Variants in MRPL49 observed in about 807,000 individuals in gnomAD.
MRPL49 encodes the protein mitochondrial ribosomal protein L49.
MRPL49 carries 14 observed loss-of-function variants against 18.4 expected under a neutral mutation model. The ratio of observed to expected loss-of-function variants is 0.76; its 90% CI spans 0.50 to 1.19. The LOEUF (loss-of-function observed/expected upper bound fraction) is 1.19, where lower values mean the gene tolerates loss of function less well. Among genes scored for constraint, MRPL49 ranks in the 50% most tolerant of loss-of-function variants. The pLI is 0.00. For missense variants in MRPL49, 190 were observed against 217.8 expected (o/e 0.87, Z 0.80); for synonymous variants, 104 against 86.2 (o/e 1.21, Z -1.14).
chr11:65,122,671 C>A (rs1198616139), intron 1 of MRPL49, among the ~76,000 whole-genome samples: 8 of 150,204 alleles, frequency 5.3e-5, no homozygotes, highest in Non-Finnish European at 1.2e-4. Context: ...AGGTAAGGGG[C>A]GGGGTCCTAG....
Position 65,126,099 on chromosome 11 carries a change from G to C in MRPL49, c.*227G>C, listed in dbSNP as rs1412708714. 4.3e-6 allele frequency: 2 copies of C among 468,154 alleles called. No homozygotes were observed. The highest frequency in any genetic ancestry group is 4.0e-5 in the African/African-American group (2 of 49,866). The allele number at this position is 468,154 out of a possible 1,614,324, so 29.0% of individuals were successfully genotyped here. A position where few individuals can be genotyped will look rare whatever the true frequency, so the allele number is the denominator to read the frequency against. ...CAAATAGGGATCACCAGGCTAATGGGGGGCGTCAGCAGCTTTCTCTCCCTC... is the reference window on the plus strand; with the variant it reads ...CAAATAGGGATCACCAGGCTAATGGCGGGCGTCAGCAGCTTTCTCTCCCTC... On this transcript the variant is annotated 3_prime_UTR_variant, in exon 4 of 4. Transcript: ENST00000279242.
intron 2 of MRPL49, 97 bp from the exon 3 acceptor site, chr11:65,125,391 G>A (rs1948089399): frequency 6.6e-7 from 1 of 1,524,826 alleles, no homozygotes. Context: ...GGTCCAGCTG[G>A]GTGCACTGGC....
In MRPL49 at chr11:65,124,818, G is replaced by C. The variant is rs975849330; in HGVS notation, c.229+166G>C. On this transcript the variant is annotated intron_variant, in intron 2 of 3. Transcript: ENST00000279242. ...ATGCCCAAGGAAGAGCCGAGGAGTGGAGCCTTCTGTTGTTCACTGGTACTC... is the reference window on the plus strand; with the variant it reads ...ATGCCCAAGGAAGAGCCGAGGAGTGCAGCCTTCTGTTGTTCACTGGTACTC... The C allele has an allele frequency of 1.4e-5, 10 of 698,676 alleles. No homozygotes were observed. In the African/African-American group the frequency reaches 1.6e-4, roughly 11 times the overall value. 43.3% of individuals were successfully genotyped at this position (698,676 alleles called of 1,614,324 possible).
chr11:65,125,698 C>A (rs1468907926), intron 3 of MRPL49, 28 bp from the exon 4 acceptor site: 2 of 1,612,916 alleles, frequency 1.2e-6, no homozygotes, highest in African/African-American at 2.7e-5. Context: ...GGACTCTTGG[C>A]CTGACCTGAT....
chr11:65,124,713 G>T, intron 2 of MRPL49, 61 bp downstream of exon 2: 2 of 1,577,036 alleles, frequency 1.3e-6, no homozygotes, highest in South Asian at 1.2e-5. Context: ...CTCCCCAGAG[G>T]TTGGCCTCCC....
intron 3 of MRPL49, 40 bp downstream of exon 3, chr11:65,125,652 T>G (rs1565337781): frequency 1.2e-6 from 2 of 1,613,584 alleles, no homozygotes; most frequent in Admixed American, 1.7e-5. Flanking sequence ...CCTGACCCTT[T>G]CAGGGCTGAA....
intron 3 of MRPL49, 27 bp from the exon 4 acceptor site, chr11:65,125,699 C>T: frequency 6.2e-7 from 1 of 1,613,014 alleles, no homozygotes; most frequent in Non-Finnish European, 8.5e-7. Flanking sequence ...GACTCTTGGC[C>T]TGACCTGATT....
Position 65,126,942 on chromosome 11 carries a change from C to G in MRPL49, c.*1070C>G. On this transcript the variant is annotated 3_prime_UTR_variant, in exon 4 of 4. Transcript: ENST00000279242. Reference sequence around the variant, plus strand: ...TTCACCCTGCCATCCCATCCCAACCCCAGCTCACTAGCCTTCATATATGCC... The same window carrying G: ...TTCACCCTGCCATCCCATCCCAACCGCAGCTCACTAGCCTTCATATATGCC... 1 of 662,986 alleles carries G rather than the reference C, an allele frequency of 1.5e-6. No homozygotes were observed. The allele number at this position is 662,986 out of a possible 1,614,324, so 41.1% of individuals were successfully genotyped here.
chr11:65,123,302 ACCC>A (rs1948071156), intron 1 of MRPL49, among the ~76,000 whole-genome samples: 1 of 152,216 alleles, frequency 6.6e-6, no homozygotes, highest in African/African-American at 2.4e-5. Flanking sequence ...TCCCATCTGT[ACCC>A]TGCACCATGG....
In MRPL49 at chr11:65,127,357, T is replaced by C. The variant is rs899756705; in HGVS notation, c.*1485T>C. The C allele has an allele frequency of 3.1e-6, 1 of 317,482 alleles. No individual in the cohort carries two copies. The highest frequency in any genetic ancestry group is 5.8e-6 in the Non-Finnish European group (1 of 173,028). 19.7% of individuals were successfully genotyped at this position (317,482 alleles called of 1,614,324 possible). ...TGTACAATATTTACAAATTAAATAA[T>C]CATCTGAAACTGTCTCCAACAACTC... On this transcript the variant is annotated 3_prime_UTR_variant, in exon 4 of 4. Coordinates refer to ENST00000279242, the MANE Select transcript of MRPL49 (RefSeq NM_004927.4).
At position 65,124,666 on chromosome 11, in the gene MRPL49, T is replaced by C; in HGVS notation, c.229+14T>C. The C allele has an allele frequency of 6.2e-7, 1 of 1,612,736 alleles. No homozygotes were observed. The highest frequency in any genetic ancestry group is 2.2e-5 in the East Asian group (1 of 44,848). On this transcript the variant is annotated intron_variant, in intron 2 of 3. Coordinates refer to ENST00000279242, the MANE Select transcript of MRPL49 (RefSeq NM_004927.4). ...AGCCTCCCAGAGGTGAGCTGGGTGG[T>C]TAGGGATGATTTGAAAGCTTCACGG...
At position 65,122,616 on chromosome 11, in the gene MRPL49, A is replaced by G. The variant is rs377766056; in HGVS notation, c.78+192A>G. On this transcript the variant is annotated intron_variant, in intron 1 of 3. Coordinates refer to ENST00000279242, the MANE Select transcript of MRPL49 (RefSeq NM_004927.4). ...GTAGACTGGGGTGCTCTTTGGGAGC[A>G]CTTAACACAGTGCCTGGCAGTGTCT... The G allele has an allele frequency of 3.2e-5, 19 of 593,236 alleles. No homozygotes were observed. In the East Asian group the frequency reaches 4.9e-4, roughly 15 times the overall value. The allele number at this position is 593,236 out of a possible 1,614,324, so 36.7% of individuals were successfully genotyped here.
intron 1 of MRPL49, among the ~76,000 whole-genome samples, chr11:65,124,049 G>A (rs867603570): frequency 2.0e-5 from 3 of 151,954 alleles, no homozygotes; most frequent in Non-Finnish European, 2.9e-5. Flanking sequence ...CACCATGCCC[G>A]GCTAATTTTT....
intron 2 of MRPL49, 22 bp downstream of exon 2, chr11:65,124,674 G>A: frequency 1.2e-6 from 2 of 1,612,204 alleles, no homozygotes; most frequent in Non-Finnish European, 1.7e-6. Context: ...GGTTAGGGAT[G>A]ATTTGAAAGC....
At chr11:65,123,622 T>A (rs1948074084) in intron 1 of MRPL49, among the ~76,000 whole-genome samples, 1 of 152,014 alleles carries the variant, frequency 6.6e-6, no homozygotes, top group South Asian at 2.1e-4. Flanking sequence ...TAGTCCCAGC[T>A]ACTTGGGAGG....
chr11:65,125,307 G>C, intron 2 of MRPL49, 181 bp from the exon 3 acceptor site: 1 of 675,640 alleles, frequency 1.5e-6, no homozygotes. Flanking sequence ...TAGGGTACCA[G>C]GGTGAACAAT....
At position 65,125,412 on chromosome 11, in the gene MRPL49, C is replaced by CT. The variant is rs138445234; in HGVS notation, c.230-75dup. ...GCTGGGTGCACTGGCCCTCTGCAGA[C>CT]TGAGAGCAAGGGCCTTGGCTGAGGT... On this transcript the variant is annotated intron_variant, in intron 2 of 3. Coordinates refer to ENST00000279242, the MANE Select transcript of MRPL49 (RefSeq NM_004927.4). 328 of 1,592,206 alleles carry CT rather than the reference C, an allele frequency of 2.1e-4. 1 individual carries two copies. In the African/African-American group the frequency reaches 4.1e-3, roughly 20 times the overall value.
Position 65,126,461 on chromosome 11 carries a change from C to G in MRPL49, c.*589C>G. ...CCTTGGCCTGTTTTGTTTTTCTTTC[C>G]TTGGGCTCAGCAATTCAAATTCTAG... On this transcript the variant is annotated 3_prime_UTR_variant, in exon 4 of 4. Coordinates refer to ENST00000279242, the MANE Select transcript of MRPL49 (RefSeq NM_004927.4). 1 of 154,306 alleles carries G rather than the reference C, an allele frequency of 6.5e-6. No individual in the cohort carries two copies. The highest frequency in any genetic ancestry group is 1.9e-4 in the East Asian group (1 of 5,214). 9.6% of individuals were successfully genotyped at this position (154,306 alleles called of 1,614,324 possible).
At position 65,122,720 on chromosome 11, in the gene MRPL49, CTTTTTTT is replaced by C. The variant is rs11445335; in HGVS notation, c.78+307_78+313del. ...GTGGGGAATTATGATTGCCTTAATT[CTTTTTTT>C]TTTTTTTTTTGAGACGGAGTCTCGC... On this transcript the variant is annotated intron_variant, in intron 1 of 3. Coordinates refer to ENST00000279242, the MANE Select transcript of MRPL49 (RefSeq NM_004927.4). Among the ~76,000 whole-genome samples the C allele has an allele frequency of 4.6e-5, 6 of 130,860 alleles. No individual in the cohort carries two copies. In the East Asian group the frequency reaches 1.4e-3, roughly 29 times the overall value. The allele number at this position is 130,860 out of a possible 152,430, so 85.8% of individuals were successfully genotyped here. A position where few individuals can be genotyped will look rare whatever the true frequency, so the allele number is the denominator to read the frequency against.
Sources: allele counts gnomAD v4.1 joint callset (sites outside exome capture counted in the v4.1 genomes callset), GRCh38; gene constraint gnomAD v4.1.1; transcripts MANE v1.5; gene names NCBI Gene and HGNC (gene_info 2026-07-23, HGNC 2026-07-21).